The following DLGAP2 variants were observed in gnomAD, a reference collection of about 807,000 sequenced individuals.
DLGAP2 encodes the protein disks large-associated protein 2.
In DLGAP2, 26 loss-of-function variants were observed where a neutral mutation model predicts 100.3. The ratio of observed to expected loss-of-function variants is 0.26; its 90% CI spans 0.19 to 0.36. The LOEUF is 0.36. DLGAP2 is among the 10% of genes least tolerant of loss of function. The pLI, the probability that DLGAP2 is intolerant of heterozygous loss-of-function variation, is 1.00. For missense variants in DLGAP2, 1,858 were observed against 1,453.2 expected, an observed-to-expected ratio of 1.28 and a Z score of -4.53; for synonymous variants, 886 against 630.1, an observed-to-expected ratio of 1.41 and a Z score of -6.08.
chr8:1,513,370 G>A (rs113125330), intron 4 of DLGAP2, among the ~76,000 whole-genome samples: 3,285 of 150,764 alleles, frequency 0.022, 61 homozygotes, highest in Middle Eastern at 0.028. Flanking sequence ...ATACGCTACT[G>A]CCTTTCCCAG....
At chr8:1,678,722 C>A (rs1175594263) in intron 12 of DLGAP2, 93 bp downstream of exon 12, 57 of 1,323,332 alleles carry the variant, frequency 4.3e-5, no homozygotes, top group Non-Finnish European at 9.8e-6. Flanking sequence ...AAGTTCCTCC[C>A]TTTGGTATTC....
intron 2 of DLGAP2, among the ~76,000 whole-genome samples, chr8:954,515 C>G (rs1799553325): frequency 6.6e-6 from 1 of 152,100 alleles, no homozygotes; most frequent in Non-Finnish European, 1.5e-5. Flanking sequence ...TATAATGTAA[C>G]TGAATATTAC....
intron 1 of DLGAP2, among the ~76,000 whole-genome samples, chr8:769,485 C>T (rs937691300): frequency 2.0e-5 from 3 of 152,080 alleles, no homozygotes; most frequent in Non-Finnish European, 4.4e-5. Flanking sequence ...AATAGAGAAT[C>T]CCCATGTAAT....
At chr8:757,834 C>A (rs766105902) in intron 1 of DLGAP2, among the ~76,000 whole-genome samples, 4 of 152,128 alleles carry the variant, frequency 2.6e-5, no homozygotes, top group East Asian at 3.8e-4. Flanking sequence ...GACTGAGTCT[C>A]CTCTCGTGTA....
In DLGAP2 at chr8:1,220,166, CTCTTGGTTTTCTAGTT is replaced by C. The variant is rs540109129; in HGVS notation, c.74-38680_74-38665del. On this transcript the variant is annotated intron_variant, in intron 2 of 14. Transcript: ENST00000637795. ...TTCTTCTACCTTTGGGTTAGGTTTG[CTCTTGGTTTTCTAGTT>C]TCTTTAGGTGTGGTGTTAGCTTATT... is the stretch of plus-strand genomic sequence containing the variant. Among the ~76,000 whole-genome samples the C allele has an allele frequency of 3.9e-5, 6 of 152,138 alleles. No homozygotes were observed. In the East Asian group the frequency reaches 1.2e-3, roughly 29 times the overall value.
Position 1,227,153 on chromosome 8 carries a change from GATAT to G in DLGAP2, c.74-31680_74-31677del, listed in dbSNP as rs759172816. On this transcript the variant is annotated intron_variant, in intron 2 of 14. Transcript: ENST00000637795. ...AAATGAATGGGTAAGGAAACTGTGA[GATAT>G]ATATATATATATATATAGTATAGAT... is the stretch of plus-strand genomic sequence containing the variant. Among the ~76,000 whole-genome samples the G allele has an allele frequency of 5.0e-4, 45 of 89,738 alleles. 3 individuals carry two copies. The highest frequency in any genetic ancestry group is 3.5e-3 in the Admixed American group (33 of 9,346). The allele number at this position is 89,738 out of a possible 152,430, so 58.9% of individuals were successfully genotyped here.
intron 3 of DLGAP2, among the ~76,000 whole-genome samples, chr8:1,280,227 G>A (rs1012029810): frequency 2.0e-5 from 3 of 152,038 alleles, no homozygotes; most frequent in Admixed American, 6.5e-5. Context: ...CAATTTGATT[G>A]ATCAAATCTC....
intron 1 of DLGAP2, among the ~76,000 whole-genome samples, chr8:790,997 C>T (rs920177304): frequency 1.3e-5 from 2 of 152,190 alleles, no homozygotes; most frequent in African/African-American, 4.8e-5. Context: ...CCCGCCTCAG[C>T]CTCCCAAAGT....
intron 6 of DLGAP2, among the ~76,000 whole-genome samples, chr8:1,618,665 G>A (rs565733325): frequency 1.1e-4 from 17 of 152,286 alleles, no homozygotes; most frequent in East Asian, 5.8e-4. Context: ...AAATCTAATC[G>A]GGACAGTGTG....
At chr8:1,101,405 G>C (rs1804574025) in intron 2 of DLGAP2, among the ~76,000 whole-genome samples, 1 of 152,150 alleles carries the variant, frequency 6.6e-6, no homozygotes, top group Admixed American at 6.5e-5. Flanking sequence ...TGAACCTTGA[G>C]GACATTAAGC....
At chr8:1,256,401 T>G (rs1799218011) in intron 2 of DLGAP2, among the ~76,000 whole-genome samples, 1 of 140,494 alleles carries the variant, frequency 7.1e-6, no homozygotes, top group African/African-American at 2.7e-5. Context: ...GTGCTGTGTG[T>G]GTGCCGTCTT....
At chr8:1,148,626 C>A (rs566281586) in intron 2 of DLGAP2, among the ~76,000 whole-genome samples, 1 of 152,038 alleles carries the variant, frequency 6.6e-6, no homozygotes, top group Non-Finnish European at 1.5e-5. Flanking sequence ...ATTGAATGAG[C>A]TTCAGCTTAA....
chr8:1,696,785 C>T (rs1267165909), intron 13 of DLGAP2, among the ~76,000 whole-genome samples: 1 of 152,224 alleles, frequency 6.6e-6, no homozygotes, highest in Non-Finnish European at 1.5e-5. Flanking sequence ...CAGGCCAATA[C>T]CACGGCAGGC....
intron 3 of DLGAP2, among the ~76,000 whole-genome samples, chr8:1,382,189 C>T (rs924514740): frequency 8.5e-5 from 13 of 152,184 alleles, no homozygotes; most frequent in Non-Finnish European, 1.3e-4. Context: ...ATGCTGTATT[C>T]ATACAGTAAA....
At chr8:1,098,051 A>G (rs1804446951) in intron 2 of DLGAP2, among the ~76,000 whole-genome samples, 1 of 152,244 alleles carries the variant, frequency 6.6e-6, no homozygotes, top group Non-Finnish European at 1.5e-5. Context: ...ACTGGTTTTG[A>G]TCTGAAGAGA....
intron 1 of DLGAP2, among the ~76,000 whole-genome samples, chr8:831,575 A>G (rs1032727121): frequency 1.3e-5 from 2 of 152,148 alleles, no homozygotes; most frequent in Non-Finnish European, 2.9e-5. Flanking sequence ...ATAATATTCC[A>G]TGGTGTATAT....
intron 3 of DLGAP2, among the ~76,000 whole-genome samples, chr8:1,491,384 G>GACCCCGGAGGCTTCGGGCCA: frequency 6.6e-6 from 1 of 151,952 alleles, no homozygotes; most frequent in South Asian, 2.1e-4. Flanking sequence ...GCTTCGGGCT[G>GACCCCGGAGGCTTCGGGCCA]CTCCCCCTGA....
chr8:1,593,875 AG>A (rs1273193505), intron 6 of DLGAP2, among the ~76,000 whole-genome samples: 1 of 152,210 alleles, frequency 6.6e-6, no homozygotes, highest in African/African-American at 2.4e-5. Context: ...AAGAGGAAAG[AG>A]GTGATCCATG....
At chr8:1,347,810 C>T (rs1801601671) in intron 3 of DLGAP2, among the ~76,000 whole-genome samples, 1 of 151,730 alleles carries the variant, frequency 6.6e-6, no homozygotes, top group Non-Finnish European at 1.5e-5. Context: ...CTATACAGAG[C>T]TACATTGCAC....
Sources: allele counts gnomAD v4.1 joint callset (sites outside exome capture counted in the v4.1 genomes callset), GRCh38; gene constraint gnomAD v4.1.1; transcripts MANE v1.5; gene names NCBI Gene and HGNC (gene_info 2026-07-23, HGNC 2026-07-21).